The following TENM1 variants were observed in gnomAD, a reference collection of about 807,000 sequenced individuals.
TENM1 encodes the protein teneurin transmembrane protein 1.
Under a neutral mutation model 174.8 loss-of-function variants are expected in TENM1, and 35 were observed. The ratio of observed to expected loss-of-function variants is 0.20; its 90% CI spans 0.15 to 0.27. TENM1 has a LOEUF of 0.27. Among genes scored for constraint, TENM1 ranks in the 10% least tolerant of loss-of-function variants. The pLI is 1.00. For missense variants in TENM1, 1,633 were observed against 2,130.1 expected, an observed-to-expected ratio of 0.77 and a Z score of 4.59; for synonymous variants, 781 against 798.7, an observed-to-expected ratio of 0.98 and a Z score of 0.37.
intron 2 of TENM1, 56 bp from the exon 6 acceptor site, chrX:124,894,408 C>T: frequency 1.1e-6 from 1 of 921,051 alleles, no homozygotes; most frequent in Non-Finnish European, 1.5e-6. Context: ...TGCAATTCCT[C>T]AAACTTCAAC....
the TENM1 span, among the ~76,000 whole-genome samples, chrX:125,138,285 C>T: frequency 3.7e-5 from 4 of 108,428 alleles, no homozygotes; most frequent in Admixed American, 2.0e-4. Context: ...GATGGATTTT[C>T]GGTGGATTAG....
chrX:124,976,356 G>A, the TENM1 span, among the ~76,000 whole-genome samples: 1 of 111,207 alleles, frequency 9.0e-6, no homozygotes, highest in South Asian at 3.8e-4. Flanking sequence ...ATTTAAATCC[G>A]AAAGTTCTGG....
chrX:124,769,632 G>C (rs962489477), intron 3 of TENM1, among the ~76,000 whole-genome samples: 9 of 111,926 alleles, frequency 8.0e-5, no homozygotes, highest in African/African-American at 2.9e-4. Context: ...GAGTTCATCT[G>C]GTGTCAGTAC....
At chrX:125,007,286 A>G in the TENM1 span, among the ~76,000 whole-genome samples, 1 of 110,808 alleles carries the variant, frequency 9.0e-6, no homozygotes, top group African/African-American at 3.3e-5. Context: ...CAGAGTTTGA[A>G]GACTATCTTG....
At chrX:124,555,512 T>G (rs2148143855) in intron 14 of TENM1, among the ~76,000 whole-genome samples, 1 of 112,171 alleles carries the variant, frequency 8.9e-6, no homozygotes, top group South Asian at 3.7e-4. Flanking sequence ...TCATACTAAC[T>G]TGTTGTAACA....
the TENM1 span, among the ~76,000 whole-genome samples, chrX:125,026,303 C>T: frequency 1.8e-5 from 2 of 109,694 alleles, no homozygotes; most frequent in Non-Finnish European, 3.8e-5. Flanking sequence ...ATTTGAAAAA[C>T]TAGATAAAAG....
At chrX:125,201,997 G>T in the TENM1 span, among the ~76,000 whole-genome samples, 7 of 111,382 alleles carry the variant, frequency 6.3e-5, no homozygotes, top group Middle Eastern at 4.7e-3. Flanking sequence ...GCAAGCAGAT[G>T]CTGGGTAATC....
intron 14 of TENM1, among the ~76,000 whole-genome samples, chrX:124,559,893 A>G (rs1046923599): frequency 9.0e-6 from 1 of 111,218 alleles, no homozygotes; most frequent in African/African-American, 3.3e-5. Flanking sequence ...CATATTATCA[A>G]CACCATGGGT....
the TENM1 span, among the ~76,000 whole-genome samples, chrX:125,073,894 C>G: frequency 6.3e-5 from 7 of 111,956 alleles, no homozygotes; most frequent in East Asian, 2.0e-3. Flanking sequence ...TACTGAGATG[C>G]TTGACAAACT....
chrX:124,856,896 T>C (rs140552232), intron 3 of TENM1, among the ~76,000 whole-genome samples: 99 of 111,124 alleles, frequency 8.9e-4, no homozygotes, highest in Middle Eastern at 4.6e-3. Flanking sequence ...GTAGATTGGA[T>C]AGGGTAGAAT....
At chrX:124,514,691 T>TACCA (rs749021228) in intron 18 of TENM1, among the ~76,000 whole-genome samples, 175 of 110,488 alleles carry the variant, frequency 1.6e-3, no homozygotes, top group African/African-American at 1.9e-3. Context: ...ATAAATAGCC[T>TACCA]ACCAACCAAC....
chrX:124,734,403 T>C (rs2053625197), intron 4 of TENM1, among the ~76,000 whole-genome samples: 1 of 110,762 alleles, frequency 9.0e-6, no homozygotes, highest in African/African-American at 3.3e-5. Context: ...TGAGCCAAGA[T>C]CTTGCCACCG....
In TENM1 at chrX:124,631,062, A is replaced by G. The variant is rs775526935; in HGVS notation, c.2077+10729T>C. Reference sequence around the variant, plus strand: ...GATTTCCAACCTGTTTGAGCTCACAATTTAAGAAAGCCAAAAACAAGAATG... The same window carrying G: ...GATTTCCAACCTGTTTGAGCTCACAGTTTAAGAAAGCCAAAAACAAGAATG... On this transcript the variant is annotated intron_variant, in intron 11 of 31. Transcript: ENST00000422452. Among the ~76,000 whole-genome samples, 9 of 112,187 alleles carry G rather than the reference A, an allele frequency of 8.0e-5. No homozygotes were observed. In the South Asian group the frequency reaches 3.0e-3, roughly 37 times the overall value.
At chrX:124,478,466 T>C (rs1020014400) in intron 22 of TENM1, among the ~76,000 whole-genome samples, 3 of 112,751 alleles carry the variant, frequency 2.7e-5, no homozygotes, top group East Asian at 2.8e-4. Context: ...GAATGAATGA[T>C]CTCAAAAGCA....
At chrX:124,435,428 T>A (rs773026310) in intron 23 of TENM1, among the ~76,000 whole-genome samples, 1 of 111,917 alleles carries the variant, frequency 8.9e-6, no homozygotes, top group East Asian at 2.8e-4. Context: ...TGAGATTATG[T>A]TTTCATTTCT....
intron 22 of TENM1, among the ~76,000 whole-genome samples, chrX:124,476,334 G>A (rs2046723721): frequency 8.9e-6 from 1 of 112,270 alleles, no homozygotes; most frequent in Non-Finnish European, 1.9e-5. Flanking sequence ...CAGATTGTTT[G>A]TGTCTAGACT....
chrX:124,376,107 T>A (rs1445284012), exon 32 of TENM1: 1 of 111,900 alleles, frequency 8.9e-6, no homozygotes, highest in East Asian at 2.8e-4. Context: ...CTGTACAGTA[T>A]CCAGTCACTT....
At chrX:124,726,471 T>A (rs897099657) in intron 4 of TENM1, among the ~76,000 whole-genome samples, 2 of 112,410 alleles carry the variant, frequency 1.8e-5, no homozygotes, top group Non-Finnish European at 3.8e-5. Context: ...ACCCATCATG[T>A]GGTGTAGGCT....
intron 3 of TENM1, among the ~76,000 whole-genome samples, chrX:124,889,462 C>T (rs1410977582): frequency 9.0e-6 from 1 of 111,236 alleles, no homozygotes; most frequent in Non-Finnish European, 1.9e-5. Flanking sequence ...AGAAACTCAA[C>T]CTGCAGAGAC....
Sources: gnomAD v4.1 joint callset for allele counts (sites outside exome capture counted in the v4.1 genomes callset) on GRCh38, gnomAD v4.1.1 for gene constraint, MANE v1.5 for transcripts, NCBI Gene and HGNC (gene_info 2026-07-23, HGNC 2026-07-21) for gene names.